The following SCFD2 variants were observed in gnomAD, a reference collection of about 807,000 sequenced individuals.
SCFD2 encodes sec1 family domain-containing protein 2.
SCFD2 carries 54 observed loss-of-function variants against 58.9 expected under a neutral mutation model. The ratio of observed to expected loss-of-function variants is 0.92; its 90% CI spans 0.74 to 1.15. SCFD2 has a LOEUF of 1.15. Among genes scored for constraint, SCFD2 ranks in the 50% most tolerant of loss-of-function variants. The pLI is 0.00. For synonymous variants in SCFD2, 321 were observed against 335.9 expected (o/e 0.96, Z 0.49); for missense variants, 805 against 836.6 (o/e 0.96, Z 0.47).
intron 4 of SCFD2, among the ~76,000 whole-genome samples, chr4:53,263,403 C>T (rs777057695): frequency 6.6e-5 from 10 of 152,092 alleles, no homozygotes; most frequent in Non-Finnish European, 1.2e-4. Flanking sequence ...ATCTGGGACT[C>T]GGGGCTGCTG....
chr4:53,058,367 TCAGA>T (rs1723408682), intron 5 of SCFD2, among the ~76,000 whole-genome samples: 3 of 152,180 alleles, frequency 2.0e-5, no homozygotes, highest in African/African-American at 4.8e-5. Flanking sequence ...TTTTAATATA[TCAGA>T]CAGTCAGACA....
chr4:52,920,893 T>TCAGA, intron 5 of SCFD2, 23 bp from the exon 6 acceptor site: 1 of 1,561,480 alleles, frequency 6.4e-7, no homozygotes, highest in Non-Finnish European at 8.7e-7. Flanking sequence ...AGAGATATTT[T>TCAGA]CTTGAGTGAG....
In SCFD2 at chr4:53,273,812, C is replaced by T; in HGVS notation, c.1311+14G>A. 6.2e-7 allele frequency: 1 copy of T among 1,601,158 alleles called. No individual in the cohort carries two copies. The highest frequency in any genetic ancestry group is 8.5e-7 in the Non-Finnish European group (1 of 1,173,952). On this transcript the variant is annotated intron_variant, in intron 4 of 8. Transcript: ENST00000401642. ...TAATTATTAAGATCCCACGAGGTTCCCATAGCAACATACCTGAAGAAGGAG... is the reference window on the plus strand; with the variant it reads ...TAATTATTAAGATCCCACGAGGTTCTCATAGCAACATACCTGAAGAAGGAG...
At chr4:53,230,396 G>C (rs1284962296) in intron 4 of SCFD2, among the ~76,000 whole-genome samples, 1 of 152,118 alleles carries the variant, frequency 6.6e-6, no homozygotes, top group Non-Finnish European at 1.5e-5. Flanking sequence ...TGATAGACTG[G>C]ATTAAGAAAA....
At chr4:52,888,132 G>C (rs35496127) in intron 7 of SCFD2, among the ~76,000 whole-genome samples, 1 of 151,824 alleles carries the variant, frequency 6.6e-6, no homozygotes, top group Non-Finnish European at 1.5e-5. Flanking sequence ...GGATGGTCTC[G>C]ATCTCCTGAC....
intron 5 of SCFD2, among the ~76,000 whole-genome samples, chr4:53,085,282 C>A (rs1186579216): frequency 6.6e-6 from 1 of 151,898 alleles, no homozygotes; most frequent in African/African-American, 2.4e-5. Flanking sequence ...ATCCCATTTA[C>A]AAAGGCCACA....
intron 5 of SCFD2, among the ~76,000 whole-genome samples, chr4:53,060,577 T>C (rs1330734367): frequency 6.6e-6 from 1 of 152,146 alleles, no homozygotes; most frequent in Non-Finnish European, 1.5e-5. Context: ...CATAAGTACA[T>C]AATGGCTACC....
intron 4 of SCFD2, among the ~76,000 whole-genome samples, chr4:53,168,632 T>C (rs1727083783): frequency 1.3e-5 from 2 of 152,236 alleles, no homozygotes; most frequent in South Asian, 4.1e-4. Flanking sequence ...TGATATATTA[T>C]AGTTGTACAT....
At chr4:53,073,543 A>T (rs1723885323) in intron 5 of SCFD2, among the ~76,000 whole-genome samples, 2 of 152,166 alleles carry the variant, frequency 1.3e-5, no homozygotes, top group Non-Finnish European at 2.9e-5. Context: ...CCCTCTCAAC[A>T]CTGCATTTGG....
intron 2 of SCFD2, among the ~76,000 whole-genome samples, chr4:53,322,482 A>C (rs1393493174): frequency 6.6e-6 from 1 of 152,188 alleles, no homozygotes; most frequent in Non-Finnish European, 1.5e-5. Context: ...TTTAACCATC[A>C]CATAAAATAG....
intron 5 of SCFD2, among the ~76,000 whole-genome samples, chr4:52,936,067 C>T (rs1720129939): frequency 6.6e-6 from 1 of 152,106 alleles, no homozygotes; most frequent in Non-Finnish European, 1.5e-5. Flanking sequence ...AAACTCCCGA[C>T]CTCAGATGAT....
At chr4:53,208,093 A>C (rs1401606477) in intron 4 of SCFD2, among the ~76,000 whole-genome samples, 2 of 151,590 alleles carry the variant, frequency 1.3e-5, no homozygotes, top group African/African-American at 2.4e-5. Context: ...AGTAGCTGGG[A>C]CTACAGGTGT....
At chr4:52,902,838 G>A (rs2109466463) in intron 7 of SCFD2, among the ~76,000 whole-genome samples, 1 of 152,290 alleles carries the variant, frequency 6.6e-6, no homozygotes, top group Admixed American at 6.5e-5. Context: ...AAGGTAGTGT[G>A]ACTCCAGATG....
At chr4:52,962,439 C>T (rs17644026) in intron 5 of SCFD2, among the ~76,000 whole-genome samples, 16,448 of 152,064 alleles carry the variant, frequency 0.11, 947 homozygotes, top group South Asian at 0.18. Flanking sequence ...TAACAAAAAA[C>T]GATACCCTTT....
chr4:53,318,497 A>G (rs1015835724), intron 2 of SCFD2, among the ~76,000 whole-genome samples: 1 of 152,168 alleles, frequency 6.6e-6, no homozygotes, highest in Non-Finnish European at 1.5e-5. Flanking sequence ...CCCAATACAG[A>G]CAGATGAAAA....
At chr4:52,932,061 C>T (rs1720010585) in intron 5 of SCFD2, among the ~76,000 whole-genome samples, 1 of 152,182 alleles carries the variant, frequency 6.6e-6, no homozygotes, top group Non-Finnish European at 1.5e-5. Flanking sequence ...ACTATTTCTG[C>T]TCTTTTCTGA....
At chr4:53,179,150 C>T (rs1394712714) in intron 4 of SCFD2, among the ~76,000 whole-genome samples, 1 of 152,116 alleles carries the variant, frequency 6.6e-6, no homozygotes, top group Non-Finnish European at 1.5e-5. Flanking sequence ...ATACAGAAAA[C>T]ACCACAAAGA....
chr4:53,038,634 G>A (rs2148823001), intron 5 of SCFD2, among the ~76,000 whole-genome samples: 1 of 151,498 alleles, frequency 6.6e-6, no homozygotes, highest in Middle Eastern at 3.4e-3. Flanking sequence ...TAGGGAGAAA[G>A]AACATGGAAA....
intron 5 of SCFD2, among the ~76,000 whole-genome samples, chr4:52,973,151 A>C: frequency 6.6e-6 from 1 of 152,172 alleles, no homozygotes; most frequent in Non-Finnish European, 1.5e-5. Flanking sequence ...AGCAGAAGGC[A>C]AGAAATAACT....
Sources: allele counts gnomAD v4.1 joint callset (sites outside exome capture counted in the v4.1 genomes callset), GRCh38; gene constraint gnomAD v4.1.1; transcripts MANE v1.5; gene names NCBI Gene and HGNC (gene_info 2026-07-23, HGNC 2026-07-21).